The following ZNF407 variants were observed in gnomAD, a reference collection of about 807,000 sequenced individuals.
ZNF407 encodes zinc finger protein 407.
A neutral mutation model predicts 131.2 loss-of-function variants in ZNF407; 17 were observed. The ratio of observed to expected loss-of-function variants is 0.13; its 90% CI spans 0.09 to 0.19. The LOEUF is 0.19. Ranked by LOEUF, ZNF407 falls within the 10% of genes least tolerant of loss-of-function variation. The probability of loss-of-function intolerance (pLI) is 1.00; values close to 1 mark genes in which losing one functional copy is unlikely to be tolerated. For missense variants in ZNF407, 2,681 were observed against 2,830.6 expected (o/e 0.95, Z 1.20); for synonymous variants, 1,156 against 1,062.0 (o/e 1.09, Z -1.72).
chr18:75,063,820 C>T lies in ZNF407; in HGVS notation c.6099C>T (p.Ala2033=), dbSNP rs374055308. The T allele has an allele frequency of 4.0e-5, 65 of 1,607,282 alleles. No individual in the cohort carries two copies. The highest frequency in any genetic ancestry group is 6.7e-5 in the Admixed American group (4 of 59,964). Residue 2033 remains alanine (A), a synonymous_variant, in exon 9 of 9, where the codon GCC becomes GCT. Transcript: ENST00000299687. This position sits in a 1 kb window ranked among gnomAD's most constrained non-coding sequence, Gnocchi z 6.6. ...GGCAGGAGGTCTCCCATGTGGCTGC[C>T]GACCCCGAGGCCCCCGAGATCCAGA... ...LPGQEVSHVA[A]DPEAPEIQMF... is the part of the protein sequence containing the mutation.
At chr18:74,733,399 A>C (rs901777072) in intron 3 of ZNF407, among the ~76,000 whole-genome samples, 6 of 152,144 alleles carry the variant, frequency 3.9e-5, no homozygotes, top group African/African-American at 1.4e-4. Flanking sequence ...TTCTTCTTTC[A>C]AAAGTAACCC....
intron 3 of ZNF407, among the ~76,000 whole-genome samples, chr18:74,683,439 G>C (rs522719): frequency 0.7 from 105,856 of 152,074 alleles, 37,732 homozygotes; most frequent in East Asian, 0.85. Flanking sequence ...TTTGTGTTTG[G>C]TTTCTTTGAC....
chr18:74,757,385 A>G (rs1293448504), intron 3 of ZNF407, among the ~76,000 whole-genome samples: 2 of 151,816 alleles, frequency 1.3e-5, no homozygotes, highest in Non-Finnish European at 2.9e-5. Context: ...TTTAAAATTT[A>G]TTTTGTGATT....
chr18:74,704,885 G>A (rs1459705044), intron 3 of ZNF407, among the ~76,000 whole-genome samples: 3 of 152,174 alleles, frequency 2.0e-5, no homozygotes, highest in African/African-American at 7.2e-5. Context: ...GCTCCTAACA[G>A]CAAAGAAGGC....
intron 3 of ZNF407, among the ~76,000 whole-genome samples, chr18:74,663,590 A>C (rs1427010670): frequency 4.6e-5 from 7 of 152,176 alleles, no homozygotes; most frequent in Non-Finnish European, 4.4e-5. Context: ...TCACGATAAC[A>C]AACTGCGCAT....
In ZNF407 at chr18:74,840,527, T is replaced by C. The variant is rs911163218; in HGVS notation, c.4878-36670T>C. 2.0e-5 allele frequency among the ~76,000 whole-genome samples: 3 copies of C among 152,170 alleles called. No homozygotes were observed. In the South Asian group the frequency reaches 6.2e-4, roughly 32 times the overall value. On this transcript the variant is annotated intron_variant, in intron 4 of 8. Transcript: ENST00000299687. ...CCTCCCACCCCAATCCACAAGTGCT[T>C]GCCTCTCTTACAGATTTTATTTTAT...
intron 3 of ZNF407, among the ~76,000 whole-genome samples, chr18:74,722,620 T>C (rs1968066164): frequency 6.6e-6 from 1 of 152,186 alleles, no homozygotes; most frequent in Non-Finnish European, 1.5e-5. Context: ...ATTACCATTC[T>C]GCCTCTCCAA....
intron 7 of ZNF407, among the ~76,000 whole-genome samples, chr18:74,892,754 G>A (rs1971402633): frequency 1.3e-5 from 2 of 152,150 alleles, no homozygotes; most frequent in East Asian, 1.9e-4. Context: ...GTTTTGAAAT[G>A]TAATTTTAAT....
chr18:74,656,350 T>A (rs1166691760), intron 3 of ZNF407, among the ~76,000 whole-genome samples: 1 of 152,102 alleles, frequency 6.6e-6, no homozygotes, highest in African/African-American at 2.4e-5. Context: ...AGCGTTCACA[T>A]ACATACATAC....
At chr18:74,959,740 T>C (rs1165798686) in intron 8 of ZNF407, among the ~76,000 whole-genome samples, 1 of 152,250 alleles carries the variant, frequency 6.6e-6, no homozygotes, top group Non-Finnish European at 1.5e-5. Flanking sequence ...ACAAATCTGA[T>C]AAATTATGTC....
At chr18:74,874,990 C>T (rs1418286964) in intron 4 of ZNF407, among the ~76,000 whole-genome samples, 1 of 152,158 alleles carries the variant, frequency 6.6e-6, no homozygotes, top group Non-Finnish European at 1.5e-5. Context: ...AGGTTTCGCC[C>T]AGGGCTCCTC....
intron 4 of ZNF407, among the ~76,000 whole-genome samples, chr18:74,862,353 A>G (rs958414886): frequency 1.3e-5 from 2 of 152,208 alleles, no homozygotes; most frequent in African/African-American, 4.8e-5. Flanking sequence ...CAGATGCTGT[A>G]AGTAGCCAGA....
rs1970138171 is a variant in ZNF407 at position 74,807,992 on chromosome 18, A to C, written c.4877+26490A>C. On this transcript the variant is annotated intron_variant, in intron 4 of 8. Coordinates refer to ENST00000299687, the MANE Select transcript of ZNF407 (RefSeq NM_017757.3). ...CTCAGCTTCTCAAAGAGCTGGGATT[A>C]CAGGAGTATGCCACAGCACCTCACA... Among the ~76,000 whole-genome samples the C allele has an allele frequency of 2.0e-5, 3 of 152,126 alleles. No individual in the cohort carries two copies. The South Asian group carries it at 6.2e-4, about 32-fold the overall frequency.
chr18:74,696,055 C>T lies in ZNF407; in HGVS notation c.4802+54933C>T, dbSNP rs1357323801. Reference sequence around the variant, plus strand: ...AGTTTTCCTGGAGAATAGAGTGCTTCGGATTATGACTTACACGACTTTACA... The same window carrying T: ...AGTTTTCCTGGAGAATAGAGTGCTTTGGATTATGACTTACACGACTTTACA... On this transcript the variant is annotated intron_variant, in intron 3 of 8. Coordinates refer to ENST00000299687, the MANE Select transcript of ZNF407 (RefSeq NM_017757.3). Among the ~76,000 whole-genome samples the T allele has an allele frequency of 2.0e-5, 3 of 152,116 alleles. No individual in the cohort carries two copies. The East Asian group carries it at 5.8e-4, about 29-fold the overall frequency.
Position 75,063,027 on chromosome 18 carries a change from AG to A in ZNF407, c.5429-120del. 1 of 891,790 alleles carries A rather than the reference AG, an allele frequency of 1.1e-6. No individual in the cohort carries two copies. Among genetic ancestry groups the A allele is most frequent in the Non-Finnish European group, 1.7e-6 (1 of 583,066 alleles). 55.2% of individuals were successfully genotyped at this position (891,790 alleles called of 1,614,324 possible). A position where few individuals can be genotyped will look rare whatever the true frequency, so the allele number is the denominator to read the frequency against. Reference sequence around the variant, plus strand: ...AAGCTTGCACTGTAGAGAGCTCTTCAGGGTTTGGAATAGGGGGTCGTGGTGA... The same window carrying A: ...AAGCTTGCACTGTAGAGAGCTCTTCAGGTTTGGAATAGGGGGTCGTGGTGA... On this transcript the variant is annotated intron_variant, in intron 8 of 8. Coordinates refer to ENST00000299687, the MANE Select transcript of ZNF407 (RefSeq NM_017757.3). This position sits in a 1 kb window ranked among gnomAD's most constrained non-coding sequence, Gnocchi z 6.6.
intron 4 of ZNF407, among the ~76,000 whole-genome samples, chr18:74,815,017 ATTG>A (rs1386499516): frequency 2.6e-5 from 4 of 151,888 alleles, no homozygotes; most frequent in African/African-American, 9.7e-5. Flanking sequence ...ACATTATAAA[ATTG>A]TTATTATAAA....
chr18:74,939,216 C>T (rs961178198), intron 8 of ZNF407, among the ~76,000 whole-genome samples: 2 of 152,100 alleles, frequency 1.3e-5, no homozygotes, highest in African/African-American at 4.8e-5. Context: ...TTCCACTTTA[C>T]TCTTACTTTG....
At chr18:74,657,889 T>A (rs565425248) in intron 3 of ZNF407, among the ~76,000 whole-genome samples, 14 of 144,158 alleles carry the variant, frequency 9.7e-5, no homozygotes, top group Non-Finnish European at 1.8e-4. Flanking sequence ...TGCTCTCTAC[T>A]TCTCCTTTTC....
At chr18:74,611,229 G>A (rs928444278) in intron 1 of ZNF407, among the ~76,000 whole-genome samples, 1 of 152,158 alleles carries the variant, frequency 6.6e-6, no homozygotes, top group Non-Finnish European at 1.5e-5. Flanking sequence ...TATAGGAAAG[G>A]GGTCTTAAAA....
Sources: allele counts gnomAD v4.1 joint callset (sites outside exome capture counted in the v4.1 genomes callset), GRCh38; gene constraint gnomAD v4.1.1; non-coding constraint Gnocchi (gnomAD v3.1); transcripts MANE v1.5; gene names NCBI Gene and HGNC (gene_info 2026-07-23, HGNC 2026-07-21).